Variants in CD81 observed in about 807,000 individuals in gnomAD.
CD81 encodes CD81 antigen.
A neutral mutation model predicts 30.1 loss-of-function variants in CD81; 10 were observed. That is an observed-to-expected ratio of 0.33 (90% CI 0.21 to 0.56). The LOEUF (loss-of-function observed/expected upper bound fraction) is 0.56, where lower values mean the gene tolerates loss of function less well. Among genes scored for constraint, CD81 ranks in the 20% least tolerant of loss-of-function variants. CD81 has a pLI of 0.89. For missense variants in CD81, 263 were observed against 308.7 expected (o/e 0.85, Z 1.11); for synonymous variants, 147 against 126.4 (o/e 1.16, Z -1.10).
chr11:2,391,064 CCCAGGA>C, intron 2 of CD81: 1 of 226,112 alleles, frequency 4.4e-6, no homozygotes, highest in Admixed American at 5.2e-5. Flanking sequence ...CCTCCCTGCC[CCCAGGA>C]GCAGGAGCAG....
intron 1 of CD81, among the ~76,000 whole-genome samples, chr11:2,383,672 C>T (rs1303811578): frequency 6.6e-6 from 1 of 152,150 alleles, no homozygotes; most frequent in African/African-American, 2.4e-5. Context: ...GCAGCGTGGC[C>T]CTGCCTGGTG....
intron 1 of CD81, among the ~76,000 whole-genome samples, chr11:2,380,496 G>T (rs1276239940): frequency 2.0e-5 from 3 of 152,112 alleles, no homozygotes; most frequent in Non-Finnish European, 4.4e-5. Context: ...GCCAAGGTGC[G>T]AGGGGGAAGG....
chr11:2,394,807 C>T, intron 3 of CD81, 165 bp from the exon 4 acceptor site: 1 of 711,392 alleles, frequency 1.4e-6, no homozygotes, highest in East Asian at 2.7e-5. Context: ...GTTTTAGCCT[C>T]TGTGCCCCAG....
chr11:2,383,432 C>T (rs1429063169), intron 1 of CD81, among the ~76,000 whole-genome samples: 1 of 152,160 alleles, frequency 6.6e-6, no homozygotes, highest in Non-Finnish European at 1.5e-5. Context: ...GGCCGTTCAC[C>T]TCCGGCCCCC....
intron 2 of CD81, chr11:2,391,158 C>A (rs948074890): frequency 6.0e-6 from 1 of 167,818 alleles, no homozygotes; most frequent in Non-Finnish European, 1.3e-5. Flanking sequence ...AGAGCAGCAC[C>A]CTTCCTCCTG....
At chr11:2,387,943 T>G (rs800334) in intron 1 of CD81, among the ~76,000 whole-genome samples, 127,923 of 152,242 alleles carry the variant, frequency 0.84, 54,485 homozygotes, top group African/African-American at 0.94. Flanking sequence ...AGGTTGTTGT[T>G]TCGGGTGTGT....
intron 2 of CD81, chr11:2,393,710 C>G (rs772737584): frequency 2.6e-4 from 156 of 595,024 alleles, no homozygotes; most frequent in Non-Finnish European, 4.1e-4. Flanking sequence ...ACGCCAAGTC[C>G]CAGAGGCTTT....
chr11:2,384,115 GTTAT>G (rs1025537859), intron 1 of CD81, among the ~76,000 whole-genome samples: 17 of 152,122 alleles, frequency 1.1e-4, no homozygotes, highest in African/African-American at 3.4e-4. Context: ...AGTCGATTCT[GTTAT>G]TTATTAATTC....
intron 1 of CD81, among the ~76,000 whole-genome samples, chr11:2,389,705 C>T (rs1265288588): frequency 6.6e-6 from 1 of 151,426 alleles, no homozygotes; most frequent in Non-Finnish European, 1.5e-5. Flanking sequence ...TTGGAAACCA[C>T]AGCAGCGTCC....
At chr11:2,381,611 G>A (rs1463347704) in intron 1 of CD81, among the ~76,000 whole-genome samples, 3 of 152,238 alleles carry the variant, frequency 2.0e-5, no homozygotes, top group Admixed American at 2.0e-4. Context: ...GCGCCTGTGC[G>A]AGGGAGCAGG....
At position 2,390,422 on chromosome 11, in the gene CD81, G is replaced by T; in HGVS notation, c.77G>T (p.Gly26Val). 1 of 1,612,500 alleles carries T rather than the reference G, an allele frequency of 6.2e-7. No individual in the cohort carries two copies. The highest frequency in any genetic ancestry group is 8.5e-7 in the Non-Finnish European group (1 of 1,179,680). Residue 26 changes from glycine to valine, a missense_variant, in exon 2 of 8, where the codon GGC (glycine) becomes GTC (valine). This residue lies in a region of CD81 where 84 missense variants were observed against 98.2 expected (regional missense o/e 0.86). Coordinates refer to ENST00000263645, the MANE Select transcript of CD81 (RefSeq NM_004356.4). ...CCCGCTCTTTCCCAGCTGGCTGGAG[G>T]CGTGATCCTGGGTGTGGCCCTGTGG... Reference protein sequence around the residue: ...VFNFVFWLAGGVILGVALWLR... With the variant: ...VFNFVFWLAGVVILGVALWLR...
chr11:2,388,496 G>A (rs565487923), intron 1 of CD81, among the ~76,000 whole-genome samples: 1 of 152,370 alleles, frequency 6.6e-6, no homozygotes, highest in Non-Finnish European at 1.5e-5. Flanking sequence ...TGGAACAGGA[G>A]TGGGGCTGTC....
intron 1 of CD81, among the ~76,000 whole-genome samples, chr11:2,387,227 G>A (rs1849813450): frequency 6.6e-6 from 1 of 152,086 alleles, no homozygotes; most frequent in Admixed American, 6.5e-5. Flanking sequence ...TTATAGAGGG[G>A]GACACTGAGG....
At chr11:2,396,365 G>A (rs1261841793) in intron 6 of CD81, 1 of 595,548 alleles carries the variant, frequency 1.7e-6, no homozygotes, top group East Asian at 2.8e-5. Flanking sequence ...TAGGGGTCTA[G>A]TGACACCAAT....
At chr11:2,391,821 C>T (rs1374230866) in intron 2 of CD81, 1 of 152,280 alleles carries the variant, frequency 6.6e-6, no homozygotes, top group East Asian at 1.9e-4. Context: ...AAGCACTCGG[C>T]TTAGCTTTGC....
chr11:2,379,147 G>A (rs1221851657), intron 1 of CD81: 1 of 455,870 alleles, frequency 2.2e-6, no homozygotes, highest in Non-Finnish European at 4.4e-6. Flanking sequence ...AGGCATGTGG[G>A]AGAGGCACCA....
In CD81 at chr11:2,393,701, C is replaced by T. The variant is rs576106860; in HGVS notation, c.182-394C>T. On this transcript the variant is annotated intron_variant, in intron 2 of 7. Coordinates refer to ENST00000263645, the MANE Select transcript of CD81 (RefSeq NM_004356.4). ...GCCTTCTGATGCCACTCCCACCCCA[C>T]GCCAAGTCCCAGAGGCTTTGGGAGC... 3.4e-4 allele frequency: 201 copies of T among 589,206 alleles called. 2 individuals carry two copies. The highest frequency in any genetic ancestry group is 1.8e-3 in the Middle Eastern group (4 of 2,252). 36.5% of individuals were successfully genotyped at this position (589,206 alleles called of 1,614,324 possible).
In CD81 at chr11:2,378,220, C is replaced by T. The variant is rs1018736630; in HGVS notation, c.66+605C>T. Among the ~76,000 whole-genome samples, 8 of 152,096 alleles carry T rather than the reference C, an allele frequency of 5.3e-5. No homozygotes were observed. The highest frequency in any genetic ancestry group is 1.7e-4 in the African/African-American group (7 of 41,452). On this transcript the variant is annotated intron_variant, in intron 1 of 7. Transcript: ENST00000263645. This position sits in a 1 kb window ranked among gnomAD's most constrained non-coding sequence, Gnocchi z 4.9. ...GGGTCGCGCCTAAAAGGAGCGCAGACTCCCGCCGGGATGGCCCAGAAGCTG... is the reference window on the plus strand; with the variant it reads ...GGGTCGCGCCTAAAAGGAGCGCAGATTCCCGCCGGGATGGCCCAGAAGCTG...
intron 1 of CD81, among the ~76,000 whole-genome samples, chr11:2,389,664 G>A (rs1385442107): frequency 6.6e-6 from 1 of 152,100 alleles, no homozygotes; most frequent in Admixed American, 6.5e-5. Context: ...GCGCTGGGCC[G>A]GCTTCTGCGC....
Sources: allele counts gnomAD v4.1 joint callset (sites outside exome capture counted in the v4.1 genomes callset), GRCh38; gene constraint gnomAD v4.1.1; regional missense constraint gnomAD v4.1.1; non-coding constraint Gnocchi (gnomAD v3.1); transcripts MANE v1.5; gene names NCBI Gene and HGNC (gene_info 2026-07-23, HGNC 2026-07-21).